Variants in CNTNAP5 observed in about 807,000 individuals in gnomAD.
CNTNAP5 encodes contactin-associated protein-like 5.
Under a neutral mutation model 150.2 loss-of-function variants are expected in CNTNAP5, and 72 were observed. That is an observed-to-expected ratio of 0.48 (90% CI 0.40 to 0.58). CNTNAP5 has a LOEUF of 0.58. CNTNAP5 is among the 20% of genes least tolerant of loss of function. The probability of loss-of-function intolerance (pLI) is 0.00; values close to 1 mark genes in which losing one functional copy is unlikely to be tolerated. For synonymous variants in CNTNAP5, 672 were observed against 619.8 expected (o/e 1.08, Z -1.25); for missense variants, 1,636 against 1,626.2 (o/e 1.01, Z -0.10).
At chr2:124,555,198 T>G (rs552111644) in intron 10 of CNTNAP5, among the ~76,000 whole-genome samples, 92 of 152,346 alleles carry the variant, frequency 6.0e-4, no homozygotes, top group African/African-American at 2.2e-3. Context: ...CTTTTTTCTC[T>G]TTCAGTACCA....
At chr2:124,261,292 A>G (rs1303396427) in intron 3 of CNTNAP5, among the ~76,000 whole-genome samples, 1 of 152,120 alleles carries the variant, frequency 6.6e-6, no homozygotes, top group African/African-American at 2.4e-5. Flanking sequence ...CTCTTCAACA[A>G]AAGCCTCGCT....
chr2:124,702,313 G>T (rs962328366), intron 13 of CNTNAP5, among the ~76,000 whole-genome samples: 3 of 122,714 alleles, frequency 2.4e-5, no homozygotes, highest in Non-Finnish European at 3.2e-5. Context: ...TTAAAATGAA[G>T]AATTATGATG....
chr2:124,651,336 C>T (rs989522979), intron 13 of CNTNAP5, among the ~76,000 whole-genome samples: 3 of 151,798 alleles, frequency 2.0e-5, no homozygotes, highest in African/African-American at 4.8e-5. Flanking sequence ...ATACTATGCA[C>T]AATGGTTAAT....
chr2:124,377,187 T>G (rs1160787904), intron 3 of CNTNAP5, among the ~76,000 whole-genome samples: 1 of 152,122 alleles, frequency 6.6e-6, no homozygotes, highest in Admixed American at 6.5e-5. Context: ...AGGAGTTAAC[T>G]AAGATGGTGG....
At chr2:124,086,385 A>T (rs1230929549) in intron 1 of CNTNAP5, among the ~76,000 whole-genome samples, 1 of 151,018 alleles carries the variant, frequency 6.6e-6, no homozygotes, top group Non-Finnish European at 1.5e-5. Flanking sequence ...TTGTATTTTT[A>T]GTAGAAACGG....
intron 19 of CNTNAP5, among the ~76,000 whole-genome samples, chr2:124,815,847 G>T (rs937343829): frequency 2.6e-5 from 4 of 152,058 alleles, no homozygotes; most frequent in East Asian, 1.9e-4. Context: ...AGTAAGAACT[G>T]TGCTGGGACA....
intron 21 of CNTNAP5, among the ~76,000 whole-genome samples, chr2:124,872,240 T>C (rs1431599919): frequency 5.3e-5 from 8 of 152,214 alleles, no homozygotes; most frequent in African/African-American, 1.9e-4. Context: ...TCCATCTTTT[T>C]ATGTATTTAG....
chr2:124,037,523 C>A (rs191051186), intron 1 of CNTNAP5, among the ~76,000 whole-genome samples: 1 of 152,140 alleles, frequency 6.6e-6, no homozygotes, highest in Admixed American at 6.5e-5. Flanking sequence ...GAAATTCTGT[C>A]ATTTGTGACA....
intron 8 of CNTNAP5, among the ~76,000 whole-genome samples, chr2:124,516,984 A>G (rs1039577325): frequency 3.3e-5 from 5 of 152,336 alleles, no homozygotes; most frequent in African/African-American, 1.2e-4. Context: ...CATTCCCACC[A>G]AACTCACCTT....
chr2:124,303,855 G>C (rs1335561402), intron 3 of CNTNAP5, among the ~76,000 whole-genome samples: 1 of 151,992 alleles, frequency 6.6e-6, no homozygotes, highest in Non-Finnish European at 1.5e-5. Context: ...AACATAGAAA[G>C]ACCCTGTCAT....
chr2:124,785,041 G>GAAAAAAA (rs67254743), intron 17 of CNTNAP5, among the ~76,000 whole-genome samples: 82 of 122,464 alleles, frequency 6.7e-4, no homozygotes, highest in East Asian at 1.2e-3. Context: ...TTAAGGCTGA[G>GAAAAAAA]AAAAAAAAAA....
chr2:124,535,042 T>G (rs1695196758), intron 10 of CNTNAP5, among the ~76,000 whole-genome samples: 1 of 152,212 alleles, frequency 6.6e-6, no homozygotes, highest in African/African-American at 2.4e-5. Flanking sequence ...ACTTGACCAC[T>G]AAGCAATCTA....
At chr2:124,400,557 G>A (rs1228404841) in intron 3 of CNTNAP5, among the ~76,000 whole-genome samples, 1 of 151,900 alleles carries the variant, frequency 6.6e-6, no homozygotes, top group African/African-American at 2.4e-5. Flanking sequence ...AACTCCAGGT[G>A]CTCTAATAGA....
intron 1 of CNTNAP5, among the ~76,000 whole-genome samples, chr2:124,170,663 A>C (rs577950917): frequency 6.6e-6 from 1 of 152,186 alleles, no homozygotes; most frequent in Non-Finnish European, 1.5e-5. Context: ...GGTGGCGGCC[A>C]TGGGCCACGG....
intron 3 of CNTNAP5, among the ~76,000 whole-genome samples, chr2:124,392,295 C>G (rs1691134469): frequency 6.6e-6 from 1 of 152,132 alleles, no homozygotes; most frequent in Non-Finnish European, 1.5e-5. Flanking sequence ...CTGGTATATG[C>G]TCAACAACTG....
chr2:124,383,508 C>T (rs888939940), intron 3 of CNTNAP5, among the ~76,000 whole-genome samples: 1 of 152,116 alleles, frequency 6.6e-6, no homozygotes, highest in Non-Finnish European at 1.5e-5. Flanking sequence ...TACAGACAGC[C>T]CCATACACTC....
chr2:124,283,459 T>C (rs1487692388), intron 3 of CNTNAP5, among the ~76,000 whole-genome samples: 1 of 152,154 alleles, frequency 6.6e-6, no homozygotes, highest in Non-Finnish European at 1.5e-5. Flanking sequence ...GGCACATGTG[T>C]CTTTGGGACT....
At chr2:124,684,877 G>A (rs1203956792) in intron 13 of CNTNAP5, among the ~76,000 whole-genome samples, 1 of 152,132 alleles carries the variant, frequency 6.6e-6, no homozygotes, top group Admixed American at 6.6e-5. Flanking sequence ...AGTTGTCCAA[G>A]GTCACTGAGC....
chr2:124,430,765 T>C (rs138249587), intron 4 of CNTNAP5, among the ~76,000 whole-genome samples: 1 of 152,030 alleles, frequency 6.6e-6, no homozygotes, highest in African/African-American at 2.4e-5. Context: ...AGGACATGAG[T>C]GCACGCCTAC....
Sources: allele counts gnomAD v4.1 joint callset (sites outside exome capture counted in the v4.1 genomes callset), GRCh38; gene constraint gnomAD v4.1.1; transcripts MANE v1.5; gene names NCBI Gene and HGNC (gene_info 2026-07-23, HGNC 2026-07-21).